The following HASPIN variants were observed in gnomAD, a reference collection of about 807,000 sequenced individuals.
The protein encoded by HASPIN is serine/threonine-protein kinase haspin.
A neutral mutation model predicts 28.8 loss-of-function variants in HASPIN; 24 were observed. That is an observed-to-expected ratio of 0.83 (90% CI 0.60 to 1.17). The LOEUF (loss-of-function observed/expected upper bound fraction) is 1.17, where lower values mean the gene tolerates loss of function less well. HASPIN is among the 50% of genes most tolerant of loss of function. HASPIN has a pLI of 0.00. For synonymous variants in HASPIN, 440 were observed against 413.1 expected (o/e 1.07, Z -0.79); for missense variants, 1,016 against 1,018.5 (o/e 1.00, Z 0.03).
rs772384028 is a variant in HASPIN, at chr17:3,726,272, G to A, written c.2337G>A (p.Arg779=). 1.2e-6 allele frequency: 2 copies of A among 1,614,038 alleles called. No homozygotes were observed. The change falls in exon 1 of 1, where the codon AGG becomes AGA. Residue 779 remains arginine, a synonymous_variant. Transcript: ENST00000325418. ...AGAGAAAAATCCAGGAGTTCCACAG[G>A]ACAATGCTGAACTTCAGCTCTGCCA... is the stretch of plus-strand genomic sequence containing the variant. ...QIKRKIQEFH[R]TMLNFSSATD... is the part of the protein sequence containing the mutation.
At position 3,726,077 on chromosome 17, in the gene HASPIN, C is replaced by T. The variant is rs770166746; in HGVS notation, c.2142C>T (p.Asp714=). ...VSMDEDLFTG[D]GDYQFDIYRL... is the part of the protein sequence containing the mutation. ...TGGATGAGGACCTGTTTACCGGTGACGGTGACTACCAGTTTGACATCTACA... is the reference window on the plus strand; with the variant it reads ...TGGATGAGGACCTGTTTACCGGTGATGGTGACTACCAGTTTGACATCTACA... Residue 714 remains aspartate, a synonymous_variant, in exon 1 of 1, where the codon GAC becomes GAT. Transcript: ENST00000325418. 2.5e-5 allele frequency: 41 copies of T among 1,614,118 alleles called. No individual in the cohort carries two copies. Among genetic ancestry groups the T allele is most frequent in the East Asian group, 6.7e-5 (3 of 44,886 alleles).
chr17:3,725,806 C>T lies in HASPIN; in HGVS notation c.1871C>T (p.Thr624Ile). ...CGAACCAAGTTGTCTTCCTTGGCTA[C>T]TGCAAAGAGCATTCTACACCAGCTC... Reference protein sequence around the residue: ...QMRTKLSSLATAKSILHQLTA... With the variant: ...QMRTKLSSLAIAKSILHQLTA... The change falls in exon 1 of 1, where the codon ACT becomes ATT. Residue 624 changes from threonine (T) to isoleucine (I), a missense_variant. This residue lies in a region of HASPIN where 881 missense variants were observed against 845.5 expected (regional missense o/e 1.04). Transcript: ENST00000325418. 7 of 1,610,644 alleles carry T rather than the reference C, an allele frequency of 4.3e-6. No homozygotes were observed. Among genetic ancestry groups the T allele is most frequent in the Middle Eastern group, 1.7e-4 (1 of 6,054 alleles).
chr17:3,726,282 A>C lies in HASPIN; in HGVS notation c.2347A>C (p.Asn783His). 6.2e-7 allele frequency: 1 copy of C among 1,614,118 alleles called. No individual in the cohort carries two copies. Among genetic ancestry groups the C allele is most frequent in the Non-Finnish European group, 8.5e-7 (1 of 1,179,966 alleles). Reference sequence around the variant, plus strand: ...CCAGGAGTTCCACAGGACAATGCTGAACTTCAGCTCTGCCACTGACTTGCT... The same window carrying C: ...CCAGGAGTTCCACAGGACAATGCTGCACTTCAGCTCTGCCACTGACTTGCT... ...KIQEFHRTML[N>H]FSSATDLLCQ... The change falls in exon 1 of 1, where the codon AAC becomes CAC. Residue 783 changes from asparagine (N) to histidine (H), a missense_variant. This residue lies in a region of HASPIN where 129 missense variants were observed against 156.2 expected (regional missense o/e 0.83). Transcript: ENST00000325418.
Position 3,724,375 on chromosome 17 carries a change from G to T in HASPIN, c.440G>T (p.Ser147Ile). The T allele has an allele frequency of 6.2e-7, 1 of 1,607,606 alleles. No individual in the cohort carries two copies. Among genetic ancestry groups the T allele is most frequent in the Non-Finnish European group, 8.5e-7 (1 of 1,178,678 alleles). The change falls in exon 1 of 1, where the codon AGC (serine) becomes ATC (isoleucine). Residue 147 changes from serine (S) to isoleucine (I), a missense_variant. Coordinates refer to ENST00000325418, the MANE Select transcript of HASPIN (RefSeq NM_031965.2). ...PFPSRDSGRL[S>I]PDLSVCGQPR... ...CCCAGCCGCGACTCCGGCCGCCTCA[G>T]CCCGGACCTCAGCGTGTGCGGCCAG...
Position 3,724,435 on chromosome 17 carries a change from C to T in HASPIN, c.500C>T (p.Ser167Phe). 1.2e-6 allele frequency: 2 copies of T among 1,613,434 alleles called. No homozygotes were observed. Among genetic ancestry groups the T allele is most frequent in the Non-Finnish European group, 8.5e-7 (1 of 1,179,958 alleles). ...GGCGACGAGCTGGGCATCAGTGCCTCCCTGTTCAGCTCTCTGGCCTCGCCC... is the reference window on the plus strand; with the variant it reads ...GGCGACGAGCTGGGCATCAGTGCCTTCCTGTTCAGCTCTCTGGCCTCGCCC... The part of the protein sequence containing the change: ...RDGDELGISA[S>F]LFSSLASPCP... Residue 167 changes from serine to phenylalanine, a missense_variant, in exon 1 of 1, where the codon TCC becomes TTC. This residue lies in a region of HASPIN where 881 missense variants were observed against 845.5 expected (regional missense o/e 1.04). Transcript: ENST00000325418.
At position 3,724,218 on chromosome 17, in the gene HASPIN, A is replaced by G. The variant is rs1179433538; in HGVS notation, c.283A>G (p.Thr95Ala). 4 of 1,593,514 alleles carry G rather than the reference A, an allele frequency of 2.5e-6. No homozygotes were observed. In the Admixed American group the frequency reaches 6.8e-5, roughly 27 times the overall value. The stretch of plus-strand genomic sequence containing the variant: ...AGTGCCCAAGGACCGGCCCAGCCTG[A>G]CCGTGACCCCAAAGCGCTGGAAGCT... ...GRVPKDRPSL[T>A]VTPKRWKLRA... Residue 95 changes from threonine to alanine, a missense_variant, in exon 1 of 1, where the codon ACC (threonine) becomes GCC (alanine). Thr to Ala is a moderately conservative substitution (Grantham distance 58). Around this residue, in one of 3 missense-constraint regions of HASPIN, gnomAD observed 881 missense variants for 845.5 expected, o/e 1.04. Coordinates refer to ENST00000325418, the MANE Select transcript of HASPIN (RefSeq NM_031965.2).
Position 3,726,390 on chromosome 17 carries a change from C to A in HASPIN, c.*58C>A. 8.4e-7 allele frequency: 1 copy of A among 1,193,666 alleles called. No homozygotes were observed. Among genetic ancestry groups the A allele is most frequent in the Non-Finnish European group, 1.2e-6 (1 of 833,706 alleles). 73.9% of individuals were successfully genotyped at this position (1,193,666 alleles called of 1,614,324 possible). On this transcript the variant is annotated 3_prime_UTR_variant, in exon 1 of 1. Transcript: ENST00000325418. ...GAGACTGGTCTTGAAGCCTCTGGTG[C>A]TGTTTCAACCTCCATCCCCACAGGA...
Position 3,726,238 on chromosome 17 carries a change from A to G in HASPIN, c.2303A>G (p.Lys768Arg). 1 of 1,614,242 alleles carries G rather than the reference A, an allele frequency of 6.2e-7. No individual in the cohort carries two copies. The highest frequency in any genetic ancestry group is 8.5e-7 in the Non-Finnish European group (1 of 1,180,042). Residue 768 changes from lysine to arginine, a missense_variant, in exon 1 of 1, where the codon AAG becomes AGG. Physicochemically the swap from Lys to Arg is conservative, Grantham distance 26. Coordinates refer to ENST00000325418, the MANE Select transcript of HASPIN (RefSeq NM_031965.2). ...FKTKCNTPAM[K>R]QIKRKIQEFH... is the part of the protein sequence containing the mutation. ...ACTAAATGTAACACTCCTGCCATGA[A>G]GCAAATTAAGAGAAAAATCCAGGAG...
rs760706485 is a variant in HASPIN, at chr17:3,725,813, GA to G, written c.1879del (p.Ser627AlafsTer31). 1.2e-6 allele frequency: 2 copies of G among 1,611,860 alleles called. No individual in the cohort carries two copies. Among genetic ancestry groups the G allele is most frequent in the South Asian group, 2.2e-5 (2 of 91,024 alleles). On this transcript the variant is annotated frameshift_variant, in exon 1 of 1. Coordinates refer to ENST00000325418, the MANE Select transcript of HASPIN (RefSeq NM_031965.2). LOFTEE classifies it high-confidence loss of function. ...AGTTGTCTTCCTTGGCTACTGCAAAGAGCATTCTACACCAGCTCACAGCCTC... is the reference window on the plus strand; with the variant it reads ...AGTTGTCTTCCTTGGCTACTGCAAAGGCATTCTACACCAGCTCACAGCCTC... ...TKLSSLATAK[S>X]ILHQLTASLA...
Position 3,724,995 on chromosome 17 carries a change from C to T in HASPIN, c.1060C>T (p.His354Tyr). The T allele has an allele frequency of 6.2e-7, 1 of 1,614,192 alleles. No homozygotes were observed. Among genetic ancestry groups the T allele is most frequent in the Non-Finnish European group, 8.5e-7 (1 of 1,180,038 alleles). The stretch of plus-strand genomic sequence containing the variant: ...AACGGAAACCTCTCTCCTCCATTCC[C>T]ACCGCTTTAAAAAGGGCCAAAAGCT... ...EATETSLLHS[H>Y]RFKKGQKLGK... Residue 354 changes from histidine (H) to tyrosine (Y), a missense_variant, in exon 1 of 1, where the codon CAC becomes TAC. Coordinates refer to ENST00000325418, the MANE Select transcript of HASPIN (RefSeq NM_031965.2).
rs778123270 is a variant in HASPIN at position 3,724,395 on chromosome 17, G to C, written c.460G>C (p.Gly154Arg). ...GRLSPDLSVC[G>R]QPRDGDELGI... The stretch of plus-strand genomic sequence containing the variant: ...CCTCAGCCCGGACCTCAGCGTGTGC[G>C]GCCAGCCCAGGGACGGCGACGAGCT... The change falls in exon 1 of 1, where the codon GGC (glycine) becomes CGC (arginine). Residue 154 changes from glycine (G) to arginine (R), a missense_variant. Coordinates refer to ENST00000325418, the MANE Select transcript of HASPIN (RefSeq NM_031965.2). 28 of 1,610,520 alleles carry C rather than the reference G, an allele frequency of 1.7e-5. No individual in the cohort carries two copies. The highest frequency in any genetic ancestry group is 2.2e-5 in the Non-Finnish European group (26 of 1,179,284).
Position 3,726,277 on chromosome 17 carries a change from T to C in HASPIN, c.2342T>C (p.Met781Thr), listed in dbSNP as rs768673050. Residue 781 changes from methionine to threonine, a missense_variant, in exon 1 of 1, where the codon ATG (methionine) becomes ACG (threonine). Around this residue, in one of 3 missense-constraint regions of HASPIN, gnomAD observed 129 missense variants for 156.2 expected, o/e 0.83. Coordinates refer to ENST00000325418, the MANE Select transcript of HASPIN (RefSeq NM_031965.2). ...AAAATCCAGGAGTTCCACAGGACAA[T>C]GCTGAACTTCAGCTCTGCCACTGAC... ...KRKIQEFHRTMLNFSSATDLL... is the reference protein window; with the variant it reads ...KRKIQEFHRTTLNFSSATDLL... 3 of 1,614,030 alleles carry C rather than the reference T, an allele frequency of 1.9e-6. No individual in the cohort carries two copies. In the African/African-American group the frequency reaches 4.0e-5, roughly 22 times the overall value.
In HASPIN at chr17:3,724,786, C is replaced by A; in HGVS notation, c.851C>A (p.Pro284Gln). 1 of 1,614,178 alleles carries A rather than the reference C, an allele frequency of 6.2e-7. No homozygotes were observed. The highest frequency in any genetic ancestry group is 8.5e-7 in the Non-Finnish European group (1 of 1,180,040). Residue 284 changes from proline to glutamine, a missense_variant, in exon 1 of 1, where the codon CCA becomes CAA. By Grantham distance (76) the Pro-to-Gln change is moderately conservative. Around this residue, in one of 3 missense-constraint regions of HASPIN, gnomAD observed 881 missense variants for 845.5 expected, o/e 1.04. Coordinates refer to ENST00000325418, the MANE Select transcript of HASPIN (RefSeq NM_031965.2). ...GTGGTGGGAAATGGACCAGAGGGTCCAGGTCTGTCAAGCACAGGCAAGAGG... is the reference window on the plus strand; with the variant it reads ...GTGGTGGGAAATGGACCAGAGGGTCAAGGTCTGTCAAGCACAGGCAAGAGG... ...KLVVGNGPEG[P>Q]GLSSTGKRRA...
At position 3,724,740 on chromosome 17, in the gene HASPIN, T is replaced by C. The variant is rs763538473; in HGVS notation, c.805T>C (p.Ser269Pro). 2 of 1,613,632 alleles carry C rather than the reference T, an allele frequency of 1.2e-6. No individual in the cohort carries two copies. Among genetic ancestry groups the C allele is most frequent in the South Asian group, 2.2e-5 (2 of 91,068 alleles). The change falls in exon 1 of 1, where the codon TCC (serine) becomes CCC (proline). Residue 269 changes from serine (S) to proline (P), a missense_variant. By Grantham distance (74) the Ser-to-Pro change is moderately conservative (BLOSUM62 -1). This residue lies in a region of HASPIN where 881 missense variants were observed against 845.5 expected (regional missense o/e 1.04). Transcript: ENST00000325418. ...FRADGKNMRESCCKRKLVVGN... is the reference protein window; with the variant it reads ...FRADGKNMREPCCKRKLVVGN... ...GGCAGATGGGAAGAATATGAGAGAG[T>C]CCTGCTGTAAAAGGAAACTGGTGGT...
chr17:3,724,584 C>A lies in HASPIN; in HGVS notation c.649C>A (p.Leu217Ile), dbSNP rs746330551. The A allele has an allele frequency of 6.2e-7, 1 of 1,614,106 alleles. No individual in the cohort carries two copies. Among genetic ancestry groups the A allele is most frequent in the Non-Finnish European group, 8.5e-7 (1 of 1,180,046 alleles). The change falls in exon 1 of 1, where the codon CTC (leucine) becomes ATC (isoleucine). Residue 217 changes from leucine (L) to isoleucine (I), a missense_variant. Leu to Ile is a conservative substitution (Grantham distance 5). Coordinates refer to ENST00000325418, the MANE Select transcript of HASPIN (RefSeq NM_031965.2). ...AGAAGTCTCCCTGGACCGAGCATCT[C>A]TCCCCTGCTCCCAGGAGGAAGCGAC... Reference protein sequence around the residue: ...LPEVSLDRASLPCSQEEATGG... With the variant: ...LPEVSLDRASIPCSQEEATGG...
Position 3,725,588 on chromosome 17 carries a change from C to A in HASPIN, c.1653C>A (p.Asn551Lys). 2 of 1,614,190 alleles carry A rather than the reference C, an allele frequency of 1.2e-6. No individual in the cohort carries two copies. The highest frequency in any genetic ancestry group is 8.5e-7 in the Non-Finnish European group (1 of 1,180,018). The change falls in exon 1 of 1, where the codon AAC (asparagine) becomes AAA (lysine). Residue 551 changes from asparagine (N) to lysine (K), a missense_variant. Asn to Lys is a moderately conservative substitution (Grantham distance 94, BLOSUM62 0). Transcript: ENST00000325418. ...ELSLLSGEVC[N>K]RTEGFIGLNS... ...GCCTCTTATCCGGTGAAGTGTGCAACCGCACAGAAGGCTTTATCGGGCTGA... is the reference window on the plus strand; with the variant it reads ...GCCTCTTATCCGGTGAAGTGTGCAAACGCACAGAAGGCTTTATCGGGCTGA...
chr17:3,726,639 T>G lies in HASPIN; in HGVS notation c.*307T>G. On this transcript the variant is annotated 3_prime_UTR_variant, in exon 1 of 1. Transcript: ENST00000325418. Reference sequence around the variant, plus strand: ...GCCCAAGAGTTCATATCTAGCCTGGTCAACATAGCAAGACCCCTGTCTCTA... The same window carrying G: ...GCCCAAGAGTTCATATCTAGCCTGGGCAACATAGCAAGACCCCTGTCTCTA... 1 of 302,214 alleles carries G rather than the reference T, an allele frequency of 3.3e-6. No homozygotes were observed. The highest frequency in any genetic ancestry group is 6.1e-6 in the Non-Finnish European group (1 of 164,890). 18.7% of individuals were successfully genotyped at this position (302,214 alleles called of 1,614,324 possible).
chr17:3,725,648 C>T lies in HASPIN; in HGVS notation c.1713C>T (p.Pro571=). The stretch of plus-strand genomic sequence containing the variant: ...ACTGTGTCCAGGGATCTTACCCTCC[C>T]TTGCTCCTCAAAGCCTGGGATCACT... ...SVHCVQGSYP[P]LLLKAWDHYN... The change falls in exon 1 of 1, where the codon CCC becomes CCT. Residue 571 remains proline (P), a synonymous_variant. Coordinates refer to ENST00000325418, the MANE Select transcript of HASPIN (RefSeq NM_031965.2). The T allele has an allele frequency of 6.2e-7, 1 of 1,602,408 alleles. No individual in the cohort carries two copies. Among genetic ancestry groups the T allele is most frequent in the Non-Finnish European group, 8.5e-7 (1 of 1,172,674 alleles).
At position 3,723,942 on chromosome 17, in the gene HASPIN, G is replaced by C; in HGVS notation, c.7G>C (p.Ala3Pro). Reference sequence around the variant, plus strand: ...CTCTTGGCGGGTGCCGGCCATGGCGGCTTCGCTCCCGGGACCTGGGAGCCG... The same window carrying C: ...CTCTTGGCGGGTGCCGGCCATGGCGCCTTCGCTCCCGGGACCTGGGAGCCG... MAASLPGPGSRLF... is the reference protein window; with the variant it reads MAPSLPGPGSRLF... The change falls in exon 1 of 1, where the codon GCT becomes CCT. Residue 3 changes from alanine to proline, a missense_variant. This residue lies in a region of HASPIN where 881 missense variants were observed against 845.5 expected (regional missense o/e 1.04). Coordinates refer to ENST00000325418, the MANE Select transcript of HASPIN (RefSeq NM_031965.2). 1.3e-6 allele frequency: 2 copies of C among 1,552,808 alleles called. No individual in the cohort carries two copies. Among genetic ancestry groups the C allele is most frequent in the Non-Finnish European group, 1.7e-6 (2 of 1,149,632 alleles).
Sources: gnomAD v4.1 joint callset for allele counts on GRCh38, gnomAD v4.1.1 for gene constraint, gnomAD v4.1.1 regional missense constraint, MANE v1.5 for transcripts, NCBI Gene and HGNC (gene_info 2026-07-23, HGNC 2026-07-21) for gene names.